Variants in CCDC91 observed in about 807,000 individuals in gnomAD.
CCDC91 encodes coiled-coil domain containing 91, also known as coiled-coil domain-containing protein 91.
In CCDC91, 48 loss-of-function variants were observed where a neutral mutation model predicts 63.2. The observed-to-expected ratio is 0.76, with a 90% CI of 0.60 to 0.97. CCDC91 has a LOEUF of 0.97. Ranked by LOEUF, CCDC91 falls within the 50% of genes least tolerant of loss-of-function variation. The pLI is 0.00. For synonymous variants in CCDC91, 167 were observed against 165.8 expected, an observed-to-expected ratio of 1.01 and a Z score of -0.06; for missense variants, 500 against 494.6, an observed-to-expected ratio of 1.01 and a Z score of -0.10.
chr12:28,257,314 A>G (rs1288995988), intron 2 of CCDC91, 69 bp downstream of exon 2: 6 of 971,796 alleles, frequency 6.2e-6, no homozygotes, highest in Non-Finnish European at 9.8e-6. Flanking sequence ...CTATTTTGAA[A>G]ATGTATTATA....
chr12:28,489,109 A>G (rs1481968279), intron 12 of CCDC91, among the ~76,000 whole-genome samples: 1 of 151,798 alleles, frequency 6.6e-6, no homozygotes, highest in East Asian at 1.9e-4. Context: ...ATGTTTACCA[A>G]CTCCTGTTCT....
chr12:28,217,778 G>A (rs1383103208), intron 1 of CCDC91, among the ~76,000 whole-genome samples: 1 of 151,962 alleles, frequency 6.6e-6, no homozygotes, highest in Middle Eastern at 3.2e-3. Context: ...TAAGGCTTTA[G>A]TTTGGATGCA....
intron 6 of CCDC91, among the ~76,000 whole-genome samples, chr12:28,353,991 C>T (rs1039071585): frequency 2.0e-5 from 3 of 152,104 alleles, no homozygotes; most frequent in African/African-American, 7.2e-5. Flanking sequence ...CAGTAAACCC[C>T]CATGACCCAA....
intron 6 of CCDC91, among the ~76,000 whole-genome samples, chr12:28,359,782 C>CTTTCTTTTT (rs1565853546): frequency 6.6e-6 from 1 of 151,972 alleles, no homozygotes; most frequent in African/African-American, 2.4e-5. Flanking sequence ...CAGAATATTT[C>CTTTCTTTTT]TATTTACTTT....
At chr12:28,295,733 T>A (rs1165381518) in intron 3 of CCDC91, among the ~76,000 whole-genome samples, 3 of 152,074 alleles carry the variant, frequency 2.0e-5, no homozygotes, top group Non-Finnish European at 4.4e-5. Context: ...TCTAATGAGT[T>A]TAAAAAATTT....
chr12:28,461,747 C>A (rs1950320073), intron 11 of CCDC91, among the ~76,000 whole-genome samples: 1 of 152,144 alleles, frequency 6.6e-6, no homozygotes, highest in South Asian at 2.1e-4. Context: ...TCACACACAT[C>A]TTTGTTGGGT....
intron 11 of CCDC91, among the ~76,000 whole-genome samples, chr12:28,481,861 T>C (rs1951466150): frequency 6.6e-6 from 1 of 151,944 alleles, no homozygotes; most frequent in Admixed American, 6.6e-5. Context: ...GAGAAGGTAT[T>C]AATAATATAA....
At chr12:28,323,623 A>G (rs1417660898) in intron 6 of CCDC91, among the ~76,000 whole-genome samples, 1 of 151,932 alleles carries the variant, frequency 6.6e-6, no homozygotes. Context: ...TAATCATTTA[A>G]TCAAGGTTTT....
At chr12:28,325,247 C>T (rs913543781) in intron 6 of CCDC91, among the ~76,000 whole-genome samples, 6 of 151,740 alleles carry the variant, frequency 4.0e-5, no homozygotes, top group Admixed American at 1.3e-4. Context: ...TAATAGATAC[C>T]GTAAGTGATT....
intron 1 of CCDC91, among the ~76,000 whole-genome samples, chr12:28,195,097 A>G (rs1281405615): frequency 6.8e-6 from 1 of 147,510 alleles, no homozygotes; most frequent in African/African-American, 2.5e-5. Flanking sequence ...CACATCCTGC[A>G]GATTGGTCCA....
intron 11 of CCDC91, among the ~76,000 whole-genome samples, chr12:28,479,485 G>T (rs1217113203): frequency 1.3e-5 from 2 of 152,198 alleles, no homozygotes; most frequent in African/African-American, 4.8e-5. Context: ...GAAGGGGGAA[G>T]GATAGCATTA....
intron 1 of CCDC91, 96 bp from the exon 2 acceptor site, chr12:28,257,106 A>C: frequency 1.4e-6 from 1 of 719,136 alleles, no homozygotes; most frequent in East Asian, 2.8e-5. Context: ...AGAAATTCTA[A>C]TTTACAAATA....
intron 12 of CCDC91, among the ~76,000 whole-genome samples, chr12:28,497,972 A>G (rs998755836): frequency 6.6e-6 from 1 of 151,600 alleles, no homozygotes; most frequent in African/African-American, 2.4e-5. Context: ...TCATGTGTTG[A>G]AAATGAAAAT....
chr12:28,232,623 G>A (rs533810106), intron 1 of CCDC91, among the ~76,000 whole-genome samples: 1 of 152,268 alleles, frequency 6.6e-6, no homozygotes, highest in South Asian at 2.1e-4. Context: ...GATGAACTTA[G>A]AGAAGCTAAG....
chr12:28,283,934 G>GT (rs1225268086), intron 3 of CCDC91, among the ~76,000 whole-genome samples: 7 of 152,234 alleles, frequency 4.6e-5, no homozygotes, highest in African/African-American at 1.7e-4. Flanking sequence ...AATGAATTTA[G>GT]TGGGGGTATG....
intron 8 of CCDC91, among the ~76,000 whole-genome samples, chr12:28,430,262 A>C (rs1456410880): frequency 1.3e-5 from 2 of 152,074 alleles, no homozygotes; most frequent in Admixed American, 6.6e-5. Context: ...GGAATAGAAC[A>C]AGGGAGAAAA....
chr12:28,502,940 G>A (rs1254813730), intron 12 of CCDC91, among the ~76,000 whole-genome samples: 1 of 150,668 alleles, frequency 6.6e-6, no homozygotes, highest in African/African-American at 2.4e-5. Flanking sequence ...ATTCAAGATG[G>A]ATTAAAGACT....
chr12:28,505,308 C>T (rs2141204068), intron 12 of CCDC91: 1 of 151,964 alleles, frequency 6.6e-6, no homozygotes, highest in East Asian at 2.0e-4. Flanking sequence ...TTATTGCTAC[C>T]TACCGGAGAG....
chr12:28,518,163 C>T lies in CCDC91; in HGVS notation c.1216-30900C>T, dbSNP rs558918500. On this transcript the variant is annotated intron_variant, in intron 12 of 12. Transcript: ENST00000536442. ...GGGTAGATACCCAGTAGTGGGATTG[C>T]TGGATCAAATGGTAGTTGTACTTTT... 2.0e-5 allele frequency among the ~76,000 whole-genome samples: 3 copies of T among 152,046 alleles called. No individual in the cohort carries two copies. The East Asian group carries it at 5.8e-4, about 30-fold the overall frequency.
Sources: gnomAD v4.1 joint callset for allele counts (sites outside exome capture counted in the v4.1 genomes callset) on GRCh38, gnomAD v4.1.1 for gene constraint, MANE v1.5 for transcripts, NCBI Gene and HGNC (gene_info 2026-07-23, HGNC 2026-07-21) for gene names.